Variants in GSE1 observed in about 807,000 individuals in gnomAD.
GSE1 encodes Gse1 coiled-coil protein.
Under a neutral mutation model 112.6 loss-of-function variants are expected in GSE1, and 32 were observed. The observed-to-expected ratio is 0.28, with a 90% confidence interval of 0.21 to 0.38. The LOEUF is 0.38. Ranked by LOEUF, GSE1 falls within the 10% of genes least tolerant of loss-of-function variation. The probability of loss-of-function intolerance (pLI) is 1.00; values close to 1 mark genes in which losing one functional copy is unlikely to be tolerated. For missense variants in GSE1, 2,348 were observed against 1,699.2 expected (o/e 1.38, Z -6.71); for synonymous variants, 1,115 against 735.6 (o/e 1.52, Z -8.35).
chr16:85,483,951 A>C (rs1012680076), intron 2 of GSE1, among the ~76,000 whole-genome samples: 1 of 152,138 alleles, frequency 6.6e-6, no homozygotes, highest in African/African-American at 2.4e-5. Context: ...GGGGACTTTC[A>C]GACCTAAGCG....
intron 2 of GSE1, among the ~76,000 whole-genome samples, chr16:85,493,714 C>T (rs1290966472): frequency 1.4e-5 from 2 of 142,504 alleles, no homozygotes; most frequent in African/African-American, 2.6e-5. Context: ...CGCTTGAACC[C>T]GGGAGGTAGA....
intron 1 of GSE1, among the ~76,000 whole-genome samples, chr16:85,190,630 A>G (rs1164137877): frequency 6.6e-6 from 1 of 152,284 alleles, no homozygotes. Flanking sequence ...TTGCCCACCA[A>G]TACGGAGGAC....
chr16:85,664,511 A>C (rs2052678500), intron 11 of GSE1: 1 of 152,454 alleles, frequency 6.6e-6, no homozygotes, highest in African/African-American at 2.4e-5. Context: ...ATTAAGGGCG[A>C]TGCAGCCCTT....
chr16:85,441,796 C>T (rs1258434183), intron 2 of GSE1, among the ~76,000 whole-genome samples: 1 of 152,168 alleles, frequency 6.6e-6, no homozygotes, highest in Non-Finnish European at 1.5e-5. Flanking sequence ...CCTCCTTGGC[C>T]TCCCTGCCTC....
chr16:85,183,635 G>A lies in GSE1; in HGVS notation c.2283+11828G>A, dbSNP rs2074640838. On this transcript the variant is annotated intron_variant, in intron 1 of 2. Transcript: ENST00000637419. ...ATGTTTGCACTTGTCCTTCTCTGTTGTGTGACACTTGGTAAGTCGACTGGC... is the reference window on the plus strand; with the variant it reads ...ATGTTTGCACTTGTCCTTCTCTGTTATGTGACACTTGGTAAGTCGACTGGC... Among the ~76,000 whole-genome samples the A allele has an allele frequency of 2.6e-5, 4 of 152,236 alleles. No homozygotes were observed. The South Asian group carries it at 8.3e-4, about 32-fold the overall frequency.
upstream of GSE1, among the ~76,000 whole-genome samples, chr16:85,553,617 C>T (rs1257933581): frequency 6.6e-6 from 1 of 152,002 alleles, no homozygotes; most frequent in South Asian, 2.1e-4. Flanking sequence ...CGGAGGAAGG[C>T]GGCCGCCAGC....
chr16:85,488,951 G>A (rs911218856), intron 2 of GSE1, among the ~76,000 whole-genome samples: 2 of 152,028 alleles, frequency 1.3e-5, no homozygotes, highest in East Asian at 3.9e-4. Context: ...CTGGCCTTTC[G>A]TTTTTAAGTT....
intron 2 of GSE1, among the ~76,000 whole-genome samples, chr16:85,379,087 G>C (rs2047487695): frequency 6.6e-6 from 1 of 152,252 alleles, no homozygotes; most frequent in Middle Eastern, 3.4e-3. Context: ...TCCCCAGAGA[G>C]CTGCCATCTC....
At chr16:85,254,796 G>A (rs1010492247) in intron 1 of GSE1, among the ~76,000 whole-genome samples, 38 of 152,216 alleles carry the variant, frequency 2.5e-4, no homozygotes, top group Admixed American at 4.6e-4. Flanking sequence ...GTCAGGGGCA[G>A]GAGCTGGCCT....
At chr16:85,600,908 T>C (rs1369163436) in intron 1 of GSE1, among the ~76,000 whole-genome samples, 1 of 151,976 alleles carries the variant, frequency 6.6e-6, no homozygotes, top group Non-Finnish European at 1.5e-5. Context: ...TTTAGCTCAG[T>C]CTCCTCTCCA....
intron 1 of GSE1, among the ~76,000 whole-genome samples, chr16:85,346,262 G>T (rs2046734171): frequency 6.6e-6 from 1 of 151,666 alleles, no homozygotes; most frequent in South Asian, 2.1e-4. Context: ...ATGGATGATG[G>T]ATGGGTGGAT....
chr16:85,655,071 C>T (rs1010461959), intron 5 of GSE1, 80 bp downstream of exon 5: 1 of 929,024 alleles, frequency 1.1e-6, no homozygotes, highest in Non-Finnish European at 1.7e-6. Context: ...GAAGGTGTTT[C>T]TTATGACCTG....
chr16:85,666,253 C>T lies in GSE1; in HGVS notation c.3036C>T (p.Ser1012=). Residue 1012 remains serine, a synonymous_variant, in exon 13 of 16, where the codon AGC becomes AGT. Coordinates refer to ENST00000253458, the MANE Select transcript of GSE1 (RefSeq NM_014615.5). ...VPLSHSTNGK[S]KPWEPFVAEE... is the part of the protein sequence containing the mutation. ...TGTCCCACAGCACCAATGGGAAGAGCAAGCCGTGGGAGCCCTTTGTGGCAG... is the reference window on the plus strand; with the variant it reads ...TGTCCCACAGCACCAATGGGAAGAGTAAGCCGTGGGAGCCCTTTGTGGCAG... 1 of 1,613,848 alleles carries T rather than the reference C, an allele frequency of 6.2e-7. No homozygotes were observed. The highest frequency in any genetic ancestry group is 8.5e-7 in the Non-Finnish European group (1 of 1,180,020).
At chr16:85,191,278 A>G (rs904734569) in intron 1 of GSE1, among the ~76,000 whole-genome samples, 1 of 152,186 alleles carries the variant, frequency 6.6e-6, no homozygotes, top group African/African-American at 2.4e-5. Flanking sequence ...CGACAACAAA[A>G]ACAACAACAA....
rs77336723 is a variant in GSE1 at position 85,196,171 on chromosome 16, C to T, written c.2283+24364C>T. 4.0e-3 allele frequency among the ~76,000 whole-genome samples: 605 copies of T among 152,276 alleles called. 39 individuals carry two copies. In the East Asian group the frequency reaches 0.1, roughly 26 times the overall value. ...ACGTATGGTTTCCAGAACTTTTGGA[C>T]TTGGGGGTTGTGGGTAGAGGGTTGG... On this transcript the variant is annotated intron_variant, in intron 1 of 2. Coordinates refer to the GSE1 transcript ENST00000637419.
chr16:85,253,069 ACCCCC>A lies in GSE1; in HGVS notation c.2283+81271_2283+81275del, dbSNP rs56691935. On this transcript the variant is annotated intron_variant, in intron 1 of 2. Transcript: ENST00000637419. ...TCATAGGCGCCCCCGCCCCCCCCCC[ACCCCC>A]CCCCCCCCACCAGCAGGCTGCTTGC... Among the ~76,000 whole-genome samples the A allele has an allele frequency of 1.7e-4, 10 of 57,832 alleles. 3 individuals carry two copies. The highest frequency in any genetic ancestry group is 1.1e-3 in the Admixed American group (5 of 4,448). 37.9% of individuals were successfully genotyped at this position (57,832 alleles called of 152,430 possible).
At chr16:85,200,421 A>G (rs759937115) in intron 1 of GSE1, among the ~76,000 whole-genome samples, 1 of 151,278 alleles carries the variant, frequency 6.6e-6, no homozygotes, top group Non-Finnish European at 1.5e-5. Flanking sequence ...CTCCTTGAAG[A>G]AAGAAGGAAG....
intron 2 of GSE1, among the ~76,000 whole-genome samples, chr16:85,526,431 G>T (rs998495846): frequency 6.6e-6 from 1 of 152,234 alleles, no homozygotes; most frequent in African/African-American, 2.4e-5. Flanking sequence ...CCAGTCCCAC[G>T]CGCGCCAGCA....
intron 1 of GSE1, among the ~76,000 whole-genome samples, chr16:85,584,539 T>C (rs2046599685): frequency 6.6e-6 from 1 of 152,366 alleles, no homozygotes; most frequent in Non-Finnish European, 1.5e-5. Context: ...TGAGAACGCC[T>C]GCGAAGCAGT....
Sources: gnomAD v4.1 joint callset for allele counts (sites outside exome capture counted in the v4.1 genomes callset) on GRCh38, gnomAD v4.1.1 for gene constraint, MANE v1.5 for transcripts, NCBI Gene and HGNC (gene_info 2026-07-23, HGNC 2026-07-21) for gene names.